The following VIT variants were observed in gnomAD, a reference collection of about 807,000 sequenced individuals.
VIT encodes vitrin.
A neutral mutation model predicts 78.0 loss-of-function variants in VIT; 99 were observed. The ratio of observed to expected loss-of-function variants is 1.27; its 90% CI spans 1.08 to 1.50. VIT has a LOEUF of 1.50. Ranked by LOEUF, VIT falls within the 40% of genes most tolerant of loss-of-function variation. The probability of loss-of-function intolerance (pLI) is 0.00; values close to 1 mark genes in which losing one functional copy is unlikely to be tolerated. For missense variants in VIT, 1,126 were observed against 875.3 expected (o/e 1.29, Z -3.61); for synonymous variants, 374 against 334.3 (o/e 1.12, Z -1.29).
At chr2:36,762,425 T>C (rs1318504348) in intron 6 of VIT, among the ~76,000 whole-genome samples, 1 of 152,196 alleles carries the variant, frequency 6.6e-6, no homozygotes, top group Non-Finnish European at 1.5e-5. Context: ...AATGTTTACA[T>C]TGAGTGAGCA....
intron 14 of VIT, 63 bp downstream of exon 14, chr2:36,805,727 G>A (rs1490435448): frequency 4.6e-6 from 7 of 1,532,690 alleles, no homozygotes; most frequent in African/African-American, 2.7e-5. Context: ...AAATTGTAAC[G>A]CCGTTGCAGT....
intron 1 of VIT, among the ~76,000 whole-genome samples, chr2:36,708,884 TCA>T (rs1478018480): frequency 6.6e-6 from 1 of 152,158 alleles, no homozygotes; most frequent in East Asian, 1.9e-4. Flanking sequence ...GCACAATGAC[TCA>T]CACCTGTAAT....
chr2:36,722,346 G>A (rs1666567488), intron 2 of VIT, among the ~76,000 whole-genome samples: 1 of 152,138 alleles, frequency 6.6e-6, no homozygotes, highest in Admixed American at 6.5e-5. Context: ...TAGCCAAGGG[G>A]TTAAAACCGG....
chr2:36,786,593 G>A (rs1665110413), intron 11 of VIT, among the ~76,000 whole-genome samples: 1 of 152,224 alleles, frequency 6.6e-6, no homozygotes, highest in South Asian at 2.1e-4. Context: ...CATATATGTA[G>A]ATAATTTCTT....
intron 1 of VIT, among the ~76,000 whole-genome samples, chr2:36,710,432 GT>G (rs1161730739): frequency 6.6e-6 from 1 of 152,084 alleles, no homozygotes; most frequent in Non-Finnish European, 1.5e-5. Flanking sequence ...AGTCTGATAA[GT>G]TTTGGCATAT....
intron 1 of VIT, among the ~76,000 whole-genome samples, chr2:36,700,101 A>C (rs1664957524): frequency 6.6e-6 from 1 of 152,222 alleles, no homozygotes; most frequent in Non-Finnish European, 1.5e-5. Flanking sequence ...TCAAACTTTT[A>C]CACATTAACT....
At chr2:36,749,318 C>G (rs1219486335) in intron 4 of VIT, among the ~76,000 whole-genome samples, 1 of 152,038 alleles carries the variant, frequency 6.6e-6, no homozygotes, top group Non-Finnish European at 1.5e-5. Context: ...GGTAATACCA[C>G]TTGGTCAGCT....
Position 36,808,900 on chromosome 2 carries a change from C to T in VIT, c.1818C>T (p.Pro606=). The change falls in exon 15 of 16, where the codon CCC becomes CCT. Residue 606 remains proline, a synonymous_variant. Transcript: ENST00000379242. ...ALEQLFKKSK[P]NKRKLMILIT... ...AGCAGCTCTTCAAGAAGTCCAAGCC[C>T]AACAAGAGGAAGTTAATGATCCTCA... 1 of 1,614,066 alleles carries T rather than the reference C, an allele frequency of 6.2e-7. No homozygotes were observed.
chr2:36,768,746 C>T (rs2148589470), intron 7 of VIT, among the ~76,000 whole-genome samples: 1 of 152,226 alleles, frequency 6.6e-6, no homozygotes, highest in African/African-American at 2.4e-5. Flanking sequence ...CACATTTTGG[C>T]ATGATTAGTA....
chr2:36,701,994 G>T (rs1665090376), intron 1 of VIT, among the ~76,000 whole-genome samples: 2 of 152,158 alleles, frequency 1.3e-5, no homozygotes, highest in South Asian at 2.1e-4. Flanking sequence ...AACAAATACA[G>T]TAAGAGGCCT....
At chr2:36,717,378 GTGTGTGTGTGTGT>G (rs1326976554) in intron 2 of VIT, among the ~76,000 whole-genome samples, 6 of 141,524 alleles carry the variant, frequency 4.2e-5, no homozygotes, top group African/African-American at 1.7e-4. Flanking sequence ...GTGTGTGTGT[GTGTGTGTGTGTGT>G]GTGTTTAGTA....
At chr2:36,734,621 T>C (rs1201044120) in intron 3 of VIT, among the ~76,000 whole-genome samples, 4 of 152,218 alleles carry the variant, frequency 2.6e-5, no homozygotes, top group African/African-American at 9.6e-5. Context: ...CTGTCTTCCT[T>C]GGACTTGGCT....
chr2:36,729,183 G>T (rs1667042735), intron 2 of VIT, among the ~76,000 whole-genome samples: 1 of 152,126 alleles, frequency 6.6e-6, no homozygotes, highest in Non-Finnish European at 1.5e-5. Context: ...TACAGCCTAG[G>T]TTTGTAGTAG....
At chr2:36,813,447 TCAAA>T (rs1242162523) in intron 15 of VIT, among the ~76,000 whole-genome samples, 6 of 152,222 alleles carry the variant, frequency 3.9e-5, no homozygotes, top group South Asian at 2.1e-4. Flanking sequence ...AGATTCTGTC[TCAAA>T]CAAACAAACA....
intron 9 of VIT, among the ~76,000 whole-genome samples, chr2:36,777,238 T>A (rs942231313): frequency 6.6e-6 from 1 of 151,626 alleles, no homozygotes; most frequent in South Asian, 2.1e-4. Flanking sequence ...TCGTACAAAC[T>A]AAAGGTCTTT....
chr2:36,725,851 C>T (rs775409903), intron 2 of VIT, among the ~76,000 whole-genome samples: 4 of 152,038 alleles, frequency 2.6e-5, no homozygotes, highest in Non-Finnish European at 5.9e-5. Context: ...GCAGGAGGAT[C>T]GCCTGAGGTC....
chr2:36,717,067 G>A (rs1375840587), intron 2 of VIT, among the ~76,000 whole-genome samples: 3 of 151,772 alleles, frequency 2.0e-5, no homozygotes, highest in African/African-American at 7.2e-5. Flanking sequence ...AGTAGAGACG[G>A]GGTTTCACCA....
At chr2:36,764,981 C>G (rs1313754334) in intron 6 of VIT, among the ~76,000 whole-genome samples, 1 of 151,740 alleles carries the variant, frequency 6.6e-6, no homozygotes, top group Non-Finnish European at 1.5e-5. Flanking sequence ...GTATCAACCC[C>G]AAGCAGAGTT....
chr2:36,719,098 G>T (rs1279654166), intron 2 of VIT, among the ~76,000 whole-genome samples: 4 of 152,182 alleles, frequency 2.6e-5, no homozygotes, highest in African/African-American at 9.7e-5. Context: ...GCTGTCTTTT[G>T]TCCCCTGCCT....
Sources: allele counts gnomAD v4.1 joint callset (sites outside exome capture counted in the v4.1 genomes callset), GRCh38; gene constraint gnomAD v4.1.1; transcripts MANE v1.5; gene names NCBI Gene and HGNC (gene_info 2026-07-23, HGNC 2026-07-21).